Variants in PCSK5 observed in about 807,000 individuals in gnomAD.
PCSK5 encodes proprotein convertase subtilisin/kexin type 5, also known as prohormone convertase 5.
A neutral mutation model predicts 233.2 loss-of-function variants in PCSK5; 129 were observed. The ratio of observed to expected loss-of-function variants is 0.55; its 90% CI spans 0.48 to 0.64. The LOEUF (loss-of-function observed/expected upper bound fraction) is 0.64. Ranked by LOEUF, PCSK5 falls within the 30% of genes least tolerant of loss-of-function variation. PCSK5 has a pLI of 0.00. For synonymous variants in PCSK5, 825 were observed against 879.2 expected (o/e 0.94, Z 1.09); for missense variants, 2,076 against 2,430.1 (o/e 0.85, Z 3.06).
intron 3 of PCSK5, among the ~76,000 whole-genome samples, chr9:76,010,465 C>T (rs563784380): frequency 2.6e-5 from 4 of 152,294 alleles, no homozygotes; most frequent in African/African-American, 9.6e-5. Flanking sequence ...TGATCTATCA[C>T]TTTACTGTTC....
At chr9:75,995,744 TACACACACAC>T (rs35132294) in intron 3 of PCSK5, among the ~76,000 whole-genome samples, 44 of 146,052 alleles carry the variant, frequency 3.0e-4, no homozygotes, top group South Asian at 2.4e-3. Context: ...GATTCATTCA[TACACACACAC>T]ACACACACAC....
chr9:75,942,472 TG>T (rs1241411770), intron 2 of PCSK5, among the ~76,000 whole-genome samples: 2 of 152,164 alleles, frequency 1.3e-5, no homozygotes, highest in Non-Finnish European at 2.9e-5. Context: ...TGTACCACGG[TG>T]GGGGCTCAAA....
intron 1 of PCSK5, among the ~76,000 whole-genome samples, chr9:75,932,109 A>G (rs1199027149): frequency 6.6e-6 from 1 of 152,232 alleles, no homozygotes; most frequent in Non-Finnish European, 1.5e-5. Flanking sequence ...ATTAAACATT[A>G]AAAGGAGATT....
intron 9 of PCSK5, among the ~76,000 whole-genome samples, chr9:76,128,829 A>C (rs1271841172): frequency 6.6e-6 from 1 of 152,204 alleles, no homozygotes; most frequent in Non-Finnish European, 1.5e-5. Context: ...ACATTTCTAA[A>C]TCTTGAGGTA....
chr9:76,255,301 A>C (rs1403501221), intron 24 of PCSK5, among the ~76,000 whole-genome samples: 1 of 152,132 alleles, frequency 6.6e-6, no homozygotes, highest in African/African-American at 2.4e-5. Context: ...AAATAAAAAA[A>C]ATAATTTTAA....
chr9:76,202,842 A>G (rs1824968713), intron 20 of PCSK5, among the ~76,000 whole-genome samples: 1 of 152,204 alleles, frequency 6.6e-6, no homozygotes, highest in South Asian at 2.1e-4. Context: ...AATATATGTA[A>G]TTCTCACTAC....
intron 3 of PCSK5, among the ~76,000 whole-genome samples, chr9:76,012,562 A>G (rs1047196166): frequency 3.9e-5 from 6 of 152,244 alleles, no homozygotes; most frequent in African/African-American, 1.4e-4. Flanking sequence ...ATTTGGCAAT[A>G]TAAACTTCAA....
chr9:76,273,066 T>C (rs143155913), intron 24 of PCSK5, among the ~76,000 whole-genome samples: 1 of 152,256 alleles, frequency 6.6e-6, no homozygotes, highest in East Asian at 1.9e-4. Flanking sequence ...GGGAACTGAA[T>C]AAATCCTTTC....
At position 76,303,434 on chromosome 9, in the gene PCSK5, T is replaced by C. The variant is rs538423780; in HGVS notation, c.3604+1217T>C. Among the ~76,000 whole-genome samples the C allele has an allele frequency of 9.2e-5, 14 of 152,318 alleles. No individual in the cohort carries two copies. In the East Asian group the frequency reaches 1.5e-3, roughly 17 times the overall value. On this transcript the variant is annotated intron_variant, in intron 28 of 37. Coordinates refer to ENST00000674117, the MANE Select transcript of PCSK5 (RefSeq NM_001372043.1). The stretch of plus-strand genomic sequence containing the variant: ...TTATAAATATGTGCATATTTGTAGA[T>C]ATAGACATTAAAACTTATACAAATA...
intron 5 of PCSK5, among the ~76,000 whole-genome samples, chr9:76,058,458 G>A (rs561268723): frequency 6.6e-6 from 1 of 152,138 alleles, no homozygotes; most frequent in Non-Finnish European, 1.5e-5. Context: ...TGAGACAAGA[G>A]GATAAATAAA....
At chr9:75,895,625 C>G (rs1196406018) in intron 1 of PCSK5, among the ~76,000 whole-genome samples, 2 of 152,144 alleles carry the variant, frequency 1.3e-5, no homozygotes, top group Non-Finnish European at 2.9e-5. Context: ...CCTCATTCAT[C>G]CTAGTCATAG....
intron 24 of PCSK5, among the ~76,000 whole-genome samples, chr9:76,261,726 C>T (rs1030167572): frequency 7.9e-5 from 12 of 152,132 alleles, no homozygotes; most frequent in Admixed American, 2.0e-4. Context: ...CTTCACGTCC[C>T]TTGTAAGTTG....
chr9:76,302,116 CTT>C lies in PCSK5; in HGVS notation c.3524-12_3524-11del, dbSNP rs762402899. On this transcript the variant is annotated intron_variant, in intron 27 of 37. Transcript: ENST00000674117. ...TTTTGCATTAAAAAAAAACTAAACA[CTT>C]TTTTTTTTAATAAAAAAGAAGCTGT... The C allele has an allele frequency of 2.6e-5, 26 of 985,500 alleles. No individual in the cohort carries two copies. Among genetic ancestry groups the C allele is most frequent in the African/African-American group, 1.2e-4 (7 of 56,528 alleles). 61.0% of individuals were successfully genotyped at this position (985,500 alleles called of 1,614,324 possible).
In PCSK5 at chr9:76,220,669, T is replaced by C. The variant is rs116858505; in HGVS notation, c.2627-6834T>C. On this transcript the variant is annotated intron_variant, in intron 20 of 37. Coordinates refer to ENST00000674117, the MANE Select transcript of PCSK5 (RefSeq NM_001372043.1). ...GACACATAAAAATTGTGTGCATTTA[T>C]GGTGTACAGCAAAATGTTTTGAAAT... Among the ~76,000 whole-genome samples the C allele has an allele frequency of 4.5e-4, 69 of 152,204 alleles. 1 individual carries two copies. In the East Asian group the frequency reaches 0.012, roughly 26 times the overall value.
rs536020888 is a variant in PCSK5 at position 76,131,185 on chromosome 9, C to G, written c.1209-2924C>G. Among the ~76,000 whole-genome samples, 9 of 152,194 alleles carry G rather than the reference C, an allele frequency of 5.9e-5. No individual in the cohort carries two copies. The East Asian group carries it at 1.7e-3, about 29-fold the overall frequency. On this transcript the variant is annotated intron_variant, in intron 9 of 37. Coordinates refer to ENST00000674117, the MANE Select transcript of PCSK5 (RefSeq NM_001372043.1). ...GACTTAGTCTTCACGTCTGCATCAT[C>G]CCTGTGAGTATAAATACAAATGAAA...
chr9:76,163,880 C>CTTAATCTCCCTTATTTAGTTTTAGAT (rs1822979454), intron 12 of PCSK5, among the ~76,000 whole-genome samples: 1 of 104,804 alleles, frequency 9.5e-6, no homozygotes. Context: ...TTTTTTTTTT[C>CTTAATCTCCCTTATTTAGTTTTAGAT]CTGAATCTCC....
intron 1 of PCSK5, among the ~76,000 whole-genome samples, chr9:75,921,117 T>C (rs925284072): frequency 6.6e-6 from 1 of 152,118 alleles, no homozygotes; most frequent in African/African-American, 2.4e-5. Context: ...GGATTCAGGG[T>C]AAATGTTTCT....
chr9:76,347,096 T>A (rs184872168), intron 35 of PCSK5, among the ~76,000 whole-genome samples: 4 of 152,170 alleles, frequency 2.6e-5, no homozygotes, highest in Non-Finnish European at 5.9e-5. Context: ...TCATTTTTGT[T>A]TTTTGATTTT....
chr9:76,339,358 C>G (rs531135903), intron 35 of PCSK5, among the ~76,000 whole-genome samples: 4 of 151,936 alleles, frequency 2.6e-5, no homozygotes, highest in African/African-American at 9.6e-5. Context: ...TGTAACCAGT[C>G]AGGTTTAATT....
Sources: allele counts gnomAD v4.1 joint callset (sites outside exome capture counted in the v4.1 genomes callset), GRCh38; gene constraint gnomAD v4.1.1; transcripts MANE v1.5; gene names NCBI Gene and HGNC (gene_info 2026-07-23, HGNC 2026-07-21).